The following C10orf90 variants were observed in gnomAD, a reference collection of about 807,000 sequenced individuals.
The protein encoded by C10orf90 is (E2-independent) E3 ubiquitin-conjugating enzyme FATS.
A neutral mutation model predicts 62.5 loss-of-function variants in C10orf90; 56 were observed. The ratio of observed to expected loss-of-function variants is 0.90; its 90% CI spans 0.72 to 1.12. The LOEUF (loss-of-function observed/expected upper bound fraction) is 1.12. Among genes scored for constraint, C10orf90 ranks in the 50% most tolerant of loss-of-function variants. The probability of loss-of-function intolerance (pLI) is 0.00; values close to 1 mark genes in which losing one functional copy is unlikely to be tolerated. For synonymous variants in C10orf90, 386 were observed against 340.4 expected (o/e 1.13, Z -1.47); for missense variants, 970 against 880.4 (o/e 1.10, Z -1.29).
intron 2 of C10orf90, among the ~76,000 whole-genome samples, chr10:126,613,689 A>G (rs542772717): frequency 6.6e-6 from 1 of 152,318 alleles, no homozygotes; most frequent in South Asian, 2.1e-4. Flanking sequence ...AGTGCTTGCT[A>G]GGTCTTGTTT....
At chr10:126,435,223 C>A (rs1475064600) in intron 7 of C10orf90, among the ~76,000 whole-genome samples, 3 of 152,252 alleles carry the variant, frequency 2.0e-5, no homozygotes, top group South Asian at 4.1e-4. Context: ...ATGTAACAAT[C>A]TGGAAAGACA....
At chr10:126,527,921 T>C (rs1863992798) in intron 2 of C10orf90, among the ~76,000 whole-genome samples, 1 of 152,178 alleles carries the variant, frequency 6.6e-6, no homozygotes, top group African/African-American at 2.4e-5. Context: ...TTGTGGAGCT[T>C]ATGTGCAGTT....
At chr10:126,490,880 A>G (rs188216730) in intron 4 of C10orf90, among the ~76,000 whole-genome samples, 32 of 150,922 alleles carry the variant, frequency 2.1e-4, no homozygotes, top group Admixed American at 5.3e-4. Context: ...TCAAAATGGG[A>G]AAAAGTACGT....
At chr10:126,553,071 A>G (rs573445962) in intron 2 of C10orf90, among the ~76,000 whole-genome samples, 1 of 152,356 alleles carries the variant, frequency 6.6e-6, no homozygotes, top group South Asian at 2.1e-4. Context: ...CTTCTAAAAG[A>G]AAACATAGAA....
At chr10:126,536,003 C>T (rs1864225638) in intron 2 of C10orf90, among the ~76,000 whole-genome samples, 1 of 152,132 alleles carries the variant, frequency 6.6e-6, no homozygotes, top group Admixed American at 6.5e-5. Flanking sequence ...TTGTGTGGAA[C>T]AAAGGCTCAG....
chr10:126,648,462 A>C (rs1846214682), intron 1 of C10orf90, among the ~76,000 whole-genome samples: 2 of 152,360 alleles, frequency 1.3e-5, no homozygotes, highest in Admixed American at 1.3e-4. Context: ...AGCACAAAGA[A>C]GACTAAGACA....
chr10:126,588,323 C>T (rs971758829), intron 2 of C10orf90, among the ~76,000 whole-genome samples: 1 of 152,246 alleles, frequency 6.6e-6, no homozygotes, highest in African/African-American at 2.4e-5. Context: ...ACCCACACTG[C>T]CAAGGGACAG....
At chr10:126,496,972 C>T (rs1564833672) in intron 4 of C10orf90, among the ~76,000 whole-genome samples, 2 of 152,172 alleles carry the variant, frequency 1.3e-5, no homozygotes, top group East Asian at 3.9e-4. Context: ...TACAAAATAG[C>T]AAATGCATCA....
At chr10:126,534,641 A>G (rs1429218322) in intron 2 of C10orf90, among the ~76,000 whole-genome samples, 1 of 152,158 alleles carries the variant, frequency 6.6e-6, no homozygotes, top group Non-Finnish European at 1.5e-5. Context: ...CTTCCAAAGG[A>G]AGAGAAGATG....
chr10:126,480,471 T>C (rs1236770415), intron 4 of C10orf90, among the ~76,000 whole-genome samples: 1 of 152,248 alleles, frequency 6.6e-6, no homozygotes, highest in East Asian at 1.9e-4. Context: ...TTTACAGGCA[T>C]GTTTAAACAC....
intron 2 of C10orf90, among the ~76,000 whole-genome samples, chr10:126,617,132 A>G (rs529036891): frequency 6.6e-6 from 1 of 152,334 alleles, no homozygotes; most frequent in South Asian, 2.1e-4. Context: ...GAATAATTAA[A>G]TATACACATT....
intron 7 of C10orf90, among the ~76,000 whole-genome samples, chr10:126,434,942 C>T (rs1405197315): frequency 1.3e-5 from 2 of 152,208 alleles, no homozygotes; most frequent in Non-Finnish European, 2.9e-5. Context: ...GCACAGGTTA[C>T]ACCATATGAA....
At chr10:126,598,990 T>C (rs1309609697) in intron 2 of C10orf90, among the ~76,000 whole-genome samples, 1 of 152,222 alleles carries the variant, frequency 6.6e-6, no homozygotes. Flanking sequence ...GTTGGCAAAC[T>C]TCTCATTGCT....
At chr10:126,584,212 G>C (rs1844811372) in intron 2 of C10orf90, among the ~76,000 whole-genome samples, 3 of 152,050 alleles carry the variant, frequency 2.0e-5, no homozygotes, top group African/African-American at 7.2e-5. Flanking sequence ...CTGTCCATCT[G>C]TCCATCTGTC....
At chr10:126,429,882 A>G (rs1265056901) in intron 7 of C10orf90, 32 bp from the exon 8 acceptor site, 2 of 1,554,668 alleles carry the variant, frequency 1.3e-6, no homozygotes, top group African/African-American at 2.7e-5. Flanking sequence ...TTAAGTTCAG[A>G]AGGCATAGAA....
intron 4 of C10orf90, among the ~76,000 whole-genome samples, chr10:126,465,470 A>G (rs1439931853): frequency 6.6e-6 from 1 of 151,842 alleles, no homozygotes. Context: ...ATAAATCTCA[A>G]ATATGAAAAT....
At chr10:126,448,683 A>G (rs1218082082) in intron 7 of C10orf90, among the ~76,000 whole-genome samples, 1 of 152,200 alleles carries the variant, frequency 6.6e-6, no homozygotes, top group Non-Finnish European at 1.5e-5. Context: ...AATGAAAATG[A>G]AAGAGGAGAC....
At chr10:126,564,555 C>T (rs929651448) in intron 2 of C10orf90, among the ~76,000 whole-genome samples, 7 of 151,326 alleles carry the variant, frequency 4.6e-5, no homozygotes, top group African/African-American at 1.7e-4. Flanking sequence ...CCTTCAACAG[C>T]AAAGAAAGGG....
At chr10:126,555,218 C>T (rs1864733510) in intron 2 of C10orf90, among the ~76,000 whole-genome samples, 1 of 152,022 alleles carries the variant, frequency 6.6e-6, no homozygotes, top group South Asian at 2.1e-4. Flanking sequence ...TTGGGTTAAC[C>T]TTGAATGTTT....
Sources: allele counts gnomAD v4.1 joint callset (sites outside exome capture counted in the v4.1 genomes callset), GRCh38; gene constraint gnomAD v4.1.1; transcripts MANE v1.5; gene names NCBI Gene and HGNC (gene_info 2026-07-23, HGNC 2026-07-21).